FMNL2: variants seen among roughly 807,000 people sequenced by gnomAD.
The protein encoded by FMNL2 is formin like 2, also known as formin-like protein 2.
A neutral mutation model predicts 130.2 loss-of-function variants in FMNL2; 51 were observed. That is an observed-to-expected ratio of 0.39 (90% CI 0.31 to 0.49). The LOEUF (loss-of-function observed/expected upper bound fraction) is 0.49. Among genes scored for constraint, FMNL2 ranks in the 20% least tolerant of loss-of-function variants. FMNL2 has a pLI of 0.85. For missense variants in FMNL2, 977 were observed against 1,316.2 expected, an observed-to-expected ratio of 0.74 and a Z score of 3.99; for synonymous variants, 465 against 467.1, an observed-to-expected ratio of 1.00 and a Z score of 0.06.
intron 1 of FMNL2, among the ~76,000 whole-genome samples, chr2:152,392,910 C>T (rs778004248): frequency 5.3e-5 from 8 of 152,098 alleles, no homozygotes; most frequent in East Asian, 1.9e-4. Context: ...AGCTGCCAGT[C>T]GCCATATCTC....
At chr2:152,443,429 A>C (rs10179418) in intron 1 of FMNL2, among the ~76,000 whole-genome samples, 67,560 of 151,976 alleles carry the variant, frequency 0.44, 17,247 homozygotes, top group East Asian at 0.71. Flanking sequence ...GACAGAATGC[A>C]AAGGGTCACA....
At chr2:152,538,876 A>G (rs1694151005) in intron 2 of FMNL2, among the ~76,000 whole-genome samples, 2 of 152,184 alleles carry the variant, frequency 1.3e-5, no homozygotes, top group East Asian at 3.9e-4. Flanking sequence ...GAAAATACAT[A>G]AGAAAATTTC....
At chr2:152,553,781 T>G (rs1695063489) in intron 4 of FMNL2, among the ~76,000 whole-genome samples, 1 of 151,888 alleles carries the variant, frequency 6.6e-6, no homozygotes, top group South Asian at 2.1e-4. Flanking sequence ...ATGACATGTT[T>G]TATGAAAAAT....
intron 1 of FMNL2, chr2:152,390,701 T>G: frequency 1.4e-6 from 1 of 740,420 alleles, no homozygotes. Context: ...TTTCCCACTC[T>G]TCTCTGGCCC....
intron 1 of FMNL2, among the ~76,000 whole-genome samples, chr2:152,410,888 C>T (rs1017574879): frequency 1.3e-5 from 2 of 152,106 alleles, no homozygotes; most frequent in African/African-American, 2.4e-5. Context: ...CTAGAGGGGT[C>T]GTTGTGGGAG....
chr2:152,508,180 G>A (rs1350845380), intron 1 of FMNL2, among the ~76,000 whole-genome samples: 1 of 152,092 alleles, frequency 6.6e-6, no homozygotes, highest in Non-Finnish European at 1.5e-5. Context: ...TCAGTGGGCA[G>A]CTGACTGGGA....
At chr2:152,607,495 AC>A in intron 10 of FMNL2, 82 bp downstream of exon 10, 1 of 904,566 alleles carries the variant, frequency 1.1e-6, no homozygotes, top group African/African-American at 1.7e-5. Flanking sequence ...ACACACACAC[AC>A]ACACACACAC....
intron 1 of FMNL2, among the ~76,000 whole-genome samples, chr2:152,415,820 A>G (rs570249913): frequency 1.3e-5 from 2 of 152,340 alleles, no homozygotes; most frequent in East Asian, 1.9e-4. Flanking sequence ...TAGTTTCTTC[A>G]CCAAAGGGAC....
Position 152,647,966 on chromosome 2 carries a change from T to C in FMNL2, c.*61T>C. ...TGAATGAAACTGCCCACATGAACTT[T>C]ATGTGCTACGATTTAACTGCAGCCT... On this transcript the variant is annotated 3_prime_UTR_variant, in exon 26 of 26. Coordinates refer to ENST00000288670, the MANE Select transcript of FMNL2 (RefSeq NM_052905.4). 3 of 1,335,040 alleles carry C rather than the reference T, an allele frequency of 2.2e-6. No homozygotes were observed. Among genetic ancestry groups the C allele is most frequent in the Non-Finnish European group, 3.1e-6 (3 of 960,892 alleles). The allele number at this position is 1,335,040 out of a possible 1,614,324, so 82.7% of individuals were successfully genotyped here. A position where few individuals can be genotyped will look rare whatever the true frequency, so the allele number is the denominator to read the frequency against.
At chr2:152,477,811 G>T (rs1162785663) in intron 1 of FMNL2, among the ~76,000 whole-genome samples, 1 of 152,006 alleles carries the variant, frequency 6.6e-6, no homozygotes, top group African/African-American at 2.4e-5. Flanking sequence ...TTCCAGTAAA[G>T]GTGTCTTTGG....
At chr2:152,498,425 T>C (rs1691634402) in intron 1 of FMNL2, among the ~76,000 whole-genome samples, 1 of 152,174 alleles carries the variant, frequency 6.6e-6, no homozygotes. Context: ...TTTTACCATT[T>C]TTTTTAAAAA....
At chr2:152,496,623 T>A (rs1691531272) in intron 1 of FMNL2, among the ~76,000 whole-genome samples, 1 of 152,244 alleles carries the variant, frequency 6.6e-6, no homozygotes, top group African/African-American at 2.4e-5. Flanking sequence ...ATAGTGATTT[T>A]TAAATTTCTG....
intron 1 of FMNL2, among the ~76,000 whole-genome samples, chr2:152,409,062 C>T (rs1490833595): frequency 1.3e-5 from 2 of 152,184 alleles, no homozygotes; most frequent in Non-Finnish European, 2.9e-5. Context: ...AATTTCTTCT[C>T]AGGCTTTTAA....
chr2:152,346,859 A>T (rs1045556650), intron 1 of FMNL2, among the ~76,000 whole-genome samples: 28 of 151,910 alleles, frequency 1.8e-4, no homozygotes, highest in Admixed American at 1.3e-4. Context: ...TGGGAGGCCG[A>T]GGTGGGCAGA....
chr2:152,337,080 A>G (rs1291141637), intron 1 of FMNL2, among the ~76,000 whole-genome samples: 2 of 152,022 alleles, frequency 1.3e-5, no homozygotes, highest in Non-Finnish European at 2.9e-5. Context: ...GGGAGAACTG[A>G]GCTCTCTCTC....
intron 17 of FMNL2, among the ~76,000 whole-genome samples, chr2:152,627,141 A>C (rs1321733928): frequency 6.6e-6 from 1 of 152,256 alleles, no homozygotes; most frequent in Non-Finnish European, 1.5e-5. Flanking sequence ...TCTGGATTTT[A>C]TCCAGATTTG....
chr2:152,344,957 T>TGAAAG (rs899056016), intron 1 of FMNL2, among the ~76,000 whole-genome samples: 3 of 152,236 alleles, frequency 2.0e-5, no homozygotes, highest in Admixed American at 6.5e-5. Flanking sequence ...ATGAGCTGAT[T>TGAAAG]GTTCTCAATG....
chr2:152,640,739 A>C, intron 24 of FMNL2, 52 bp from the exon 25 acceptor site: 1 of 1,577,266 alleles, frequency 6.3e-7, no homozygotes, highest in Non-Finnish European at 8.6e-7. Flanking sequence ...GGATTTTCAC[A>C]AACTCCTAAT....
chr2:152,424,909 C>G (rs1201968207), intron 1 of FMNL2, among the ~76,000 whole-genome samples: 1 of 152,192 alleles, frequency 6.6e-6, no homozygotes, highest in Non-Finnish European at 1.5e-5. Context: ...TGGTATAACA[C>G]ATTAGTTGCC....
Sources: gnomAD v4.1 joint callset for allele counts (sites outside exome capture counted in the v4.1 genomes callset) on GRCh38, gnomAD v4.1.1 for gene constraint, MANE v1.5 for transcripts, NCBI Gene and HGNC (gene_info 2026-07-23, HGNC 2026-07-21) for gene names.